Variants in ANAPC10 observed in about 807,000 individuals in gnomAD.
ANAPC10 encodes anaphase promoting complex subunit 10, also known as anaphase-promoting complex subunit 10.
Under a neutral mutation model 22.0 loss-of-function variants are expected in ANAPC10, and 12 were observed. That is an observed-to-expected ratio of 0.55 (90% CI 0.35 to 0.88). The LOEUF (loss-of-function observed/expected upper bound fraction) is 0.88, where lower values mean the gene tolerates loss of function less well. Among genes scored for constraint, ANAPC10 ranks in the 40% least tolerant of loss-of-function variants. ANAPC10 has a pLI of 0.01. For synonymous variants in ANAPC10, 65 were observed against 69.5 expected (o/e 0.94, Z 0.32); for missense variants, 188 against 220.9 (o/e 0.85, Z 0.94).
At chr4:145,030,621 C>T (rs1737420876) in intron 4 of ANAPC10, among the ~76,000 whole-genome samples, 1 of 152,186 alleles carries the variant, frequency 6.6e-6, no homozygotes, top group Non-Finnish European at 1.5e-5. Flanking sequence ...CCAGACTCAT[C>T]CTGTGGTCAT....
At chr4:145,070,981 G>C (rs1744407024) in intron 3 of ANAPC10, among the ~76,000 whole-genome samples, 1 of 152,152 alleles carries the variant, frequency 6.6e-6, no homozygotes, top group African/African-American at 2.4e-5. Flanking sequence ...GATTATCATG[G>C]GCTGGAGAGA....
At position 144,995,364 on chromosome 4, in the gene ANAPC10, A is replaced by G; in HGVS notation, c.*9T>C. On this transcript the variant is annotated 3_prime_UTR_variant, in exon 5 of 5. Transcript: ENST00000507656. Reference sequence around the variant, plus strand: ...AGATACGTTTAATGATTTTCGTCTCATTTTAAAGTCACCTTATTGAACGAT... The same window carrying G: ...AGATACGTTTAATGATTTTCGTCTCGTTTTAAAGTCACCTTATTGAACGAT... 1 of 1,571,348 alleles carries G rather than the reference A, an allele frequency of 6.4e-7. No homozygotes were observed. Among genetic ancestry groups the G allele is most frequent in the South Asian group, 1.1e-5 (1 of 88,804 alleles).
chr4:145,081,412 T>C (rs1745998874), intron 3 of ANAPC10: 2 of 289,534 alleles, frequency 6.9e-6, no homozygotes, highest in Admixed American at 4.8e-5. Flanking sequence ...TATTGAAAAG[T>C]ATATTTGAGA....
At chr4:145,082,712 A>G (rs754489353) in intron 2 of ANAPC10, among the ~76,000 whole-genome samples, 2 of 152,262 alleles carry the variant, frequency 1.3e-5, no homozygotes, top group Non-Finnish European at 2.9e-5. Flanking sequence ...TCCATTCTAC[A>G]TAAATGAAGT....
chr4:145,081,078 T>C (rs1350559711), intron 3 of ANAPC10, among the ~76,000 whole-genome samples: 1 of 152,000 alleles, frequency 6.6e-6, no homozygotes, highest in Non-Finnish European at 1.5e-5. Context: ...CGAGACCAGC[T>C]TGGCCAACAT....
chr4:145,024,659 G>A (rs1415538949), intron 4 of ANAPC10, among the ~76,000 whole-genome samples: 1 of 152,182 alleles, frequency 6.6e-6, no homozygotes, highest in Non-Finnish European at 1.5e-5. Context: ...TTCAACAGAT[G>A]TACTCTCATC....
At chr4:145,093,868 T>C (rs1013974677) in intron 2 of ANAPC10, among the ~76,000 whole-genome samples, 1 of 152,198 alleles carries the variant, frequency 6.6e-6, no homozygotes, top group African/African-American at 2.4e-5. Context: ...ATATGTATAA[T>C]TGGATTCCCA....
chr4:145,055,729 T>C (rs1741969326), intron 4 of ANAPC10, among the ~76,000 whole-genome samples: 1 of 152,024 alleles, frequency 6.6e-6, no homozygotes, highest in African/African-American at 2.4e-5. Context: ...AAACAAAAAC[T>C]AGAACAGTGC....
chr4:145,033,347 G>T, intron 4 of ANAPC10: 1 of 154,632 alleles, frequency 6.5e-6, no homozygotes, highest in African/African-American at 2.4e-5. Flanking sequence ...AGACGTCTTA[G>T]TTTCAGAGGG....
chr4:145,064,564 A>C lies in ANAPC10; in HGVS notation c.327+8T>G. The C allele has an allele frequency of 6.3e-7, 1 of 1,598,586 alleles. No individual in the cohort carries two copies. The highest frequency in any genetic ancestry group is 1.1e-5 in the South Asian group (1 of 88,000). On this transcript the variant is annotated splice_region_variant and intron_variant, in intron 4 of 4. Transcript: ENST00000507656. ...GATGACATATTTTTAAAAATTTGAA[A>C]GACATACCCGAATTTCTTGAAGGTT... is the stretch of plus-strand genomic sequence containing the variant.
chr4:145,082,466 C>T (rs572740073), intron 2 of ANAPC10, among the ~76,000 whole-genome samples: 152 of 152,272 alleles, frequency 1.0e-3, no homozygotes, highest in African/African-American at 3.6e-3. Context: ...TTTTAAAGAA[C>T]GTATGTATTT....
rs538508143 is a variant in ANAPC10, at chr4:145,008,255, G to A, written c.328-12652C>T. ...GATTCACAGACAAATTCTACCAGAG[G>A]TACAAAGAGGAGCTGGTACCATTCC... On this transcript the variant is annotated intron_variant, in intron 4 of 4. Transcript: ENST00000507656. Among the ~76,000 whole-genome samples, 72 of 152,204 alleles carry A rather than the reference G, an allele frequency of 4.7e-4. 1 individual carries two copies. The East Asian group carries it at 8.9e-3, about 19-fold the overall frequency.
At chr4:145,029,771 T>C (rs1178126854) in intron 4 of ANAPC10, among the ~76,000 whole-genome samples, 1 of 152,116 alleles carries the variant, frequency 6.6e-6, no homozygotes, top group Non-Finnish European at 1.5e-5. Context: ...CTTAGGGAGA[T>C]TGGGATGGGG....
At chr4:145,022,296 T>C (rs1298559478) in intron 4 of ANAPC10, among the ~76,000 whole-genome samples, 2 of 152,114 alleles carry the variant, frequency 1.3e-5, no homozygotes, top group African/African-American at 4.8e-5. Context: ...AACTGTGGTA[T>C]GTATACCACA....
chr4:145,093,997 C>T (rs911305566), intron 2 of ANAPC10, among the ~76,000 whole-genome samples: 6 of 152,248 alleles, frequency 3.9e-5, no homozygotes, highest in African/African-American at 1.4e-4. Context: ...TTGCCTTATT[C>T]TACTGGTCCC....
At chr4:145,018,526 T>C (rs1026891747) in intron 4 of ANAPC10, among the ~76,000 whole-genome samples, 2 of 151,836 alleles carry the variant, frequency 1.3e-5, no homozygotes, top group Admixed American at 6.6e-5. Flanking sequence ...TAATCCCAAC[T>C]ACTTAGGAGG....
At chr4:145,045,437 C>T (rs889875795) in intron 4 of ANAPC10, among the ~76,000 whole-genome samples, 6 of 151,860 alleles carry the variant, frequency 4.0e-5, no homozygotes, top group South Asian at 4.1e-4. Context: ...CAACATCACT[C>T]GGCCTAAAAA....
intron 4 of ANAPC10, among the ~76,000 whole-genome samples, chr4:145,026,945 ATGTGTGTGTGTG>A (rs1553967000): frequency 3.4e-3 from 59 of 17,114 alleles, no homozygotes; most frequent in Non-Finnish European, 5.2e-3. Context: ...ATATATATAT[ATGTGTGTGTGTG>A]TATATATATA....
chr4:145,051,212 CAG>C (rs1226248129), intron 4 of ANAPC10, among the ~76,000 whole-genome samples: 1 of 149,874 alleles, frequency 6.7e-6, no homozygotes. Context: ...TGTTGTGTCT[CAG>C]GGAACAGGAA....
Sources: gnomAD v4.1 joint callset for allele counts (sites outside exome capture counted in the v4.1 genomes callset) on GRCh38, gnomAD v4.1.1 for gene constraint, MANE v1.5 for transcripts, NCBI Gene and HGNC (gene_info 2026-07-23, HGNC 2026-07-21) for gene names.